Variants in ADPRH observed in about 807,000 individuals in gnomAD.
ADPRH encodes the protein ADP-ribosylarginine hydrolase.
ADPRH carries 27 observed loss-of-function variants against 28.8 expected under a neutral mutation model. That is an observed-to-expected ratio of 0.94 (90% CI 0.69 to 1.29). The LOEUF (loss-of-function observed/expected upper bound fraction) is 1.29. Among genes scored for constraint, ADPRH ranks in the 50% most tolerant of loss-of-function variants. ADPRH has a pLI of 0.00. For synonymous variants in ADPRH, 161 were observed against 166.9 expected (o/e 0.96, Z 0.27); for missense variants, 419 against 444.8 (o/e 0.94, Z 0.52).
Position 119,587,705 on chromosome 3 carries a change from G to A in ADPRH, c.901G>A (p.Gly301Arg). ...TGCCCACCGAGCCTTTTTCCATGGT[G>A]GAGACAGTGATTCTACAGCTGCCAT... ...ELAHRAFFHG[G>R]DSDSTAAIAG... Residue 301 changes from glycine to arginine, a missense_variant, in exon 5 of 5, where the codon GGA becomes AGA. Transcript: ENST00000357003. The A allele has an allele frequency of 6.2e-7, 1 of 1,614,192 alleles. No homozygotes were observed. The highest frequency in any genetic ancestry group is 8.5e-7 in the Non-Finnish European group (1 of 1,180,036).
chr3:119,588,024 G>GT lies in ADPRH; in HGVS notation c.*152dup, dbSNP rs35901231. 3 of 776,002 alleles carry GT rather than the reference G, an allele frequency of 3.9e-6. No individual in the cohort carries two copies. The highest frequency in any genetic ancestry group is 1.9e-6 in the Non-Finnish European group (1 of 520,424). 48.1% of individuals were successfully genotyped at this position (776,002 alleles called of 1,614,324 possible). On this transcript the variant is annotated 3_prime_UTR_variant, in exon 5 of 5. Transcript: ENST00000357003. ...AAGTCCCTTGGGCACCTTAAGCTCA[G>GT]TTTTTTCAGGCTCATCCTGTTCTTC...
rs1244146705 is a variant in ADPRH, at chr3:119,588,475, A to G, written c.*597A>G. On this transcript the variant is annotated 3_prime_UTR_variant, in exon 5 of 5. Coordinates refer to ENST00000357003, the MANE Select transcript of ADPRH (RefSeq NM_001125.4). Reference sequence around the variant, plus strand: ...GACTTCCATCTGACACTGGTTGAGGACCACTGCCAGGGATGCTAACTCCCT... The same window carrying G: ...GACTTCCATCTGACACTGGTTGAGGGCCACTGCCAGGGATGCTAACTCCCT... The G allele has an allele frequency of 6.6e-6, 1 of 152,210 alleles. No individual in the cohort carries two copies. Among genetic ancestry groups the G allele is most frequent in the African/African-American group, 2.4e-5 (1 of 41,446 alleles). 9.4% of individuals were successfully genotyped at this position (152,210 alleles called of 1,614,324 possible).
In ADPRH at chr3:119,588,035, C is replaced by A; in HGVS notation, c.*157C>A. On this transcript the variant is annotated 3_prime_UTR_variant, in exon 5 of 5. Transcript: ENST00000357003. Reference sequence around the variant, plus strand: ...GCACCTTAAGCTCAGTTTTTTCAGGCTCATCCTGTTCTTCCAGAATCTATC... The same window carrying A: ...GCACCTTAAGCTCAGTTTTTTCAGGATCATCCTGTTCTTCCAGAATCTATC... The A allele has an allele frequency of 1.5e-6, 1 of 678,938 alleles. No individual in the cohort carries two copies. Among genetic ancestry groups the A allele is most frequent in the Non-Finnish European group, 2.3e-6 (1 of 438,118 alleles). The allele number at this position is 678,938 out of a possible 1,614,324, so 42.1% of individuals were successfully genotyped here.
In ADPRH at chr3:119,579,762, C is replaced by G. The variant is rs138015439; in HGVS notation, c.-212C>G. ...CCGGCTCCGCCCCAACCCGCGCCCT[C>G]GTCCACCCGCAGCAGCCAAGGCCTC... is the stretch of plus-strand genomic sequence containing the variant. On this transcript the variant is annotated 5_prime_UTR_variant, in exon 1 of 5. Coordinates refer to ENST00000357003, the MANE Select transcript of ADPRH (RefSeq NM_001125.4). 1 of 153,610 alleles carries G rather than the reference C, an allele frequency of 6.5e-6. No homozygotes were observed. The highest frequency in any genetic ancestry group is 1.4e-5 in the Non-Finnish European group (1 of 69,088). The allele number at this position is 153,610 out of a possible 1,614,324, so 9.5% of individuals were successfully genotyped here. A position where few individuals can be genotyped will look rare whatever the true frequency, so the allele number is the denominator to read the frequency against.
chr3:119,583,782 ATTT>A (rs546565439), intron 3 of ADPRH, among the ~76,000 whole-genome samples: 1 of 146,426 alleles, frequency 6.8e-6, no homozygotes, highest in African/African-American at 2.5e-5. Context: ...TTAAAAAAAA[ATTT>A]TTTTTTTTTT....
At position 119,586,476 on chromosome 3, in the gene ADPRH, C is replaced by G. The variant is rs748177318; in HGVS notation, c.490C>G (p.His164Asp). ...VSIESGRMTHHHPTGYLGALA... is the reference protein window; with the variant it reads ...VSIESGRMTHDHPTGYLGALA... The stretch of plus-strand genomic sequence containing the variant: ...CATCGAGAGTGGTCGGATGACCCAC[C>G]ACCACCCAACAGGCTACCTGGGGGC... The change falls in exon 4 of 5, where the codon CAC becomes GAC. Residue 164 changes from histidine (H) to aspartate (D), a missense_variant. By Grantham distance (81) the His-to-Asp change is moderately conservative (BLOSUM62 -1). Transcript: ENST00000357003. 3.8e-5 allele frequency: 61 copies of G among 1,614,070 alleles called. No homozygotes were observed. Among genetic ancestry groups the G allele is most frequent in the South Asian group, 6.6e-5 (6 of 91,082 alleles).
Position 119,582,325 on chromosome 3 carries a change from A to G in ADPRH, c.156A>G (p.Arg52=). The change falls in exon 3 of 5, where the codon AGA becomes AGG. Residue 52 remains arginine (R), a synonymous_variant. Transcript: ENST00000357003. ...ATGCCCTAGACGTGGGAAGGTGGAG[A>G]GTTAGTGACGACACAGTGATGCACT... ...GLDALDVGRW[R]VSDDTVMHLA... The G allele has an allele frequency of 4.3e-6, 7 of 1,614,092 alleles. No individual in the cohort carries two copies. The highest frequency in any genetic ancestry group is 5.9e-6 in the Non-Finnish European group (7 of 1,180,012).
Position 119,586,605 on chromosome 3 carries a change from G to A in ADPRH, c.619G>A (p.Val207Ile). ...ELLPEAKKYI[V>I]QSGYFVEENL... The stretch of plus-strand genomic sequence containing the variant: ...GCTACCAGAAGCTAAAAAGTACATT[G>A]TCCAATCAGGCTACTTTGTAGAGGA... The change falls in exon 4 of 5, where the codon GTC becomes ATC. Residue 207 changes from valine to isoleucine, a missense_variant. Val to Ile is a conservative substitution (Grantham distance 29). Transcript: ENST00000357003. 6.2e-7 allele frequency: 1 copy of A among 1,614,122 alleles called. No individual in the cohort carries two copies.
At position 119,582,188 on chromosome 3, in the gene ADPRH, G is replaced by T; in HGVS notation, c.19G>T (p.Ala7Ser). ...GGGACTGATGGAGAAGTATGTGGCT[G>T]CTATGGTGCTGAGTGCAGCTGGAGA... MEKYVA[A>S]MVLSAAGDAL... Residue 7 changes from alanine (A) to serine (S), a missense_variant, in exon 3 of 5, where the codon GCT (alanine) becomes TCT (serine). By Grantham distance (99) the Ala-to-Ser change is moderately conservative. Coordinates refer to ENST00000357003, the MANE Select transcript of ADPRH (RefSeq NM_001125.4). 1 of 1,608,710 alleles carries T rather than the reference G, an allele frequency of 6.2e-7. No homozygotes were observed. The highest frequency in any genetic ancestry group is 8.5e-7 in the Non-Finnish European group (1 of 1,175,810).
At chr3:119,583,497 A>T (rs1224159662) in intron 3 of ADPRH, among the ~76,000 whole-genome samples, 1 of 152,206 alleles carries the variant, frequency 6.6e-6, no homozygotes, top group African/African-American at 2.4e-5. Flanking sequence ...TGATTTGTCA[A>T]TTTAAATATT....
rs1197462640 is a variant in ADPRH, at chr3:119,586,481, C to T, written c.495C>T (p.His165=). 2 of 1,614,246 alleles carry T rather than the reference C, an allele frequency of 1.2e-6. No individual in the cohort carries two copies. The highest frequency in any genetic ancestry group is 3.3e-5 in the Admixed American group (2 of 60,026). Residue 165 remains histidine (H), a synonymous_variant, in exon 4 of 5, where the codon CAC becomes CAT. Coordinates refer to ENST00000357003, the MANE Select transcript of ADPRH (RefSeq NM_001125.4). ...AGAGTGGTCGGATGACCCACCACCA[C>T]CCAACAGGCTACCTGGGGGCCCTTG... The part of the protein sequence containing the change: ...SIESGRMTHH[H]PTGYLGALAS...
At position 119,588,199 on chromosome 3, in the gene ADPRH, T is replaced by G. The variant is rs2082483622; in HGVS notation, c.*321T>G. On this transcript the variant is annotated 3_prime_UTR_variant, in exon 5 of 5. Transcript: ENST00000357003. ...AAAGTTTTTTCTGTTTGTCTCAAGT[T>G]GGGTTCCCACAAAGTGGACTTTGAG... 9.8e-6 allele frequency: 2 copies of G among 203,284 alleles called. No individual in the cohort carries two copies. The highest frequency in any genetic ancestry group is 1.9e-5 in the Non-Finnish European group (2 of 102,682). 12.6% of individuals were successfully genotyped at this position (203,284 alleles called of 1,614,324 possible). A position where few individuals can be genotyped will look rare whatever the true frequency, so the allele number is the denominator to read the frequency against.
rs2082488170 is a variant in ADPRH, at chr3:119,588,668, T to C, written c.*790T>C. 6.6e-6 allele frequency: 1 copy of C among 152,232 alleles called. No individual in the cohort carries two copies. The allele number at this position is 152,232 out of a possible 1,614,324, so 9.4% of individuals were successfully genotyped here. A position where few individuals can be genotyped will look rare whatever the true frequency, so the allele number is the denominator to read the frequency against. On this transcript the variant is annotated 3_prime_UTR_variant, in exon 5 of 5. Transcript: ENST00000357003. ...GTCTACCTCCTAAATATACTCTGAA[T>C]CTATCACCTCTATTGCCTTCTTGCA...
At chr3:119,582,112 T>C (rs1019270358) in intron 2 of ADPRH, 22 bp from the exon 3 acceptor site, 8 of 1,479,042 alleles carry the variant, frequency 5.4e-6, no homozygotes, top group Non-Finnish European at 6.4e-6. Context: ...CCTATTTCCT[T>C]TGTCTTAATT....
chr3:119,582,606 G>T (rs1273442623), intron 3 of ADPRH, 139 bp downstream of exon 3: 2 of 1,059,382 alleles, frequency 1.9e-6, no homozygotes, highest in African/African-American at 1.6e-5. Flanking sequence ...TAACGGCCAT[G>T]GTGGTGGCTC....
rs2107763134 is a variant in ADPRH at position 119,586,567 on chromosome 3, G to A, written c.581G>A (p.Gly194Glu). The A allele has an allele frequency of 6.2e-7, 1 of 1,614,152 alleles. No homozygotes were observed. Among genetic ancestry groups the A allele is most frequent in the Middle Eastern group, 1.6e-4 (1 of 6,062 alleles). ...NSRPPLQWGK[G>E]LMELLPEAKK... is the part of the protein sequence containing the mutation. ...AGACCACCCTTGCAGTGGGGAAAAG[G>A]ACTGATGGAGCTGCTACCAGAAGCT... The change falls in exon 4 of 5, where the codon GGA becomes GAA. Residue 194 changes from glycine (G) to glutamate (E), a missense_variant. Gly to Glu is a moderately conservative substitution (Grantham distance 98). Transcript: ENST00000357003.
chr3:119,581,718 G>A (rs1313568649), intron 2 of ADPRH, among the ~76,000 whole-genome samples: 7 of 152,192 alleles, frequency 4.6e-5, no homozygotes, highest in African/African-American at 1.7e-4. Context: ...GTAAAGCCTT[G>A]CACTTCTAAG....
chr3:119,582,084 A>ATTATTAT, intron 2 of ADPRH, 50 bp from the exon 3 acceptor site: 2 of 701,612 alleles, frequency 2.9e-6, no homozygotes, highest in Non-Finnish European at 4.5e-6. Flanking sequence ...GTTTTTTCTG[A>ATTATTAT]TTCTTCTTGC....
rs565770487 is a variant in ADPRH at position 119,583,093 on chromosome 3, A to G, written c.298+626A>G. ...ATTTTTAAAACATTAGCCAGGTGTC[A>G]TGGCACATACCTGTAGTCCCAGCTA... On this transcript the variant is annotated intron_variant, in intron 3 of 4. Coordinates refer to ENST00000357003, the MANE Select transcript of ADPRH (RefSeq NM_001125.4). Among the ~76,000 whole-genome samples the G allele has an allele frequency of 1.1e-4, 17 of 152,268 alleles. No individual in the cohort carries two copies. In the South Asian group the frequency reaches 3.3e-3, roughly 30 times the overall value.
Sources: gnomAD v4.1 joint callset for allele counts (sites outside exome capture counted in the v4.1 genomes callset) on GRCh38, gnomAD v4.1.1 for gene constraint, MANE v1.5 for transcripts, NCBI Gene and HGNC (gene_info 2026-07-23, HGNC 2026-07-21) for gene names.